Variants in DNM1L observed in about 807,000 individuals in gnomAD.
The protein encoded by DNM1L is dynamin 1L.
A neutral mutation model predicts 92.8 loss-of-function variants in DNM1L; 33 were observed. The observed-to-expected ratio is 0.36, with a 90% CI of 0.27 to 0.48. The LOEUF (loss-of-function observed/expected upper bound fraction) is 0.48, where lower values mean the gene tolerates loss of function less well. Among genes scored for constraint, DNM1L ranks in the 20% least tolerant of loss-of-function variants. The pLI, the probability that DNM1L is intolerant of heterozygous loss-of-function variation, is 0.99. For synonymous variants in DNM1L, 284 were observed against 305.0 expected (o/e 0.93, Z 0.72); for missense variants, 485 against 888.8 (o/e 0.55, Z 5.78).
At chr12:32,688,371 C>T (rs578171297) in intron 1 of DNM1L, among the ~76,000 whole-genome samples, 1 of 152,228 alleles carries the variant, frequency 6.6e-6, no homozygotes, top group Admixed American at 6.5e-5. Context: ...GAGGTTTTTT[C>T]TTTTAGCACT....
chr12:32,724,594 ATATATATAT>A (rs1169616214), intron 9 of DNM1L, among the ~76,000 whole-genome samples: 6 of 44,348 alleles, frequency 1.4e-4, no homozygotes, highest in East Asian at 4.3e-4. Context: ...AAAAAAAAAA[ATATATATAT>A]ATATATATAT....
intron 12 of DNM1L, chr12:32,733,484 T>C (rs1433844050): frequency 2.0e-6 from 1 of 497,242 alleles, no homozygotes; most frequent in East Asian, 3.5e-5. Context: ...ATGTTATTTT[T>C]CCCTCTTAGA....
chr12:32,737,622 A>G (rs1954984041), intron 14 of DNM1L: 1 of 489,542 alleles, frequency 2.0e-6, no homozygotes. Flanking sequence ...CTTATTAAAT[A>G]CCAAAAATAA....
chr12:32,737,643 T>G, intron 14 of DNM1L: 1 of 514,616 alleles, frequency 1.9e-6, no homozygotes, highest in Non-Finnish European at 3.5e-6. Flanking sequence ...AAATGAAGCT[T>G]TTGGATTTGG....
At chr12:32,724,400 A>G (rs1425267184) in intron 9 of DNM1L, among the ~76,000 whole-genome samples, 1 of 151,188 alleles carries the variant, frequency 6.6e-6, no homozygotes, top group Non-Finnish European at 1.5e-5. Flanking sequence ...ATATGGTGAA[A>G]CCCCATCTCT....
intron 1 of DNM1L, among the ~76,000 whole-genome samples, chr12:32,691,747 C>T (rs1952243224): frequency 6.8e-6 from 1 of 147,110 alleles, no homozygotes; most frequent in Non-Finnish European, 1.5e-5. Flanking sequence ...GCTAAGAGAG[C>T]CAAAAGCCTG....
intron 18 of DNM1L, 125 bp downstream of exon 18, chr12:32,740,643 G>A: frequency 1.2e-6 from 1 of 865,502 alleles, no homozygotes; most frequent in Non-Finnish European, 1.8e-6. Context: ...TGGATTTTCT[G>A]ATAGTCCTTG....
At chr12:32,732,434 T>G (rs1954613912) in intron 12 of DNM1L, 1 of 446,096 alleles carries the variant, frequency 2.2e-6, no homozygotes, top group South Asian at 1.6e-5. Flanking sequence ...CAAATAAAAA[T>G]GCTGAAATTG....
At chr12:32,704,560 A>G (rs557667139) in intron 2 of DNM1L, among the ~76,000 whole-genome samples, 173 of 152,276 alleles carry the variant, frequency 1.1e-3, no homozygotes, top group African/African-American at 4.0e-3. Context: ...AAAAAAAAAA[A>G]AAAAATGCAA....
chr12:32,744,594 T>C lies in DNM1L; in HGVS notation c.*1184T>C, dbSNP rs567054987. 1 of 240,060 alleles carries C rather than the reference T, an allele frequency of 4.2e-6. No homozygotes were observed. Among genetic ancestry groups the C allele is most frequent in the Non-Finnish European group, 8.1e-6 (1 of 123,170 alleles). 14.9% of individuals were successfully genotyped at this position (240,060 alleles called of 1,614,324 possible). A position where few individuals can be genotyped will look rare whatever the true frequency, so the allele number is the denominator to read the frequency against. On this transcript the variant is annotated 3_prime_UTR_variant, in exon 20 of 20. Coordinates refer to ENST00000549701, the MANE Select transcript of DNM1L (RefSeq NM_012062.5). ...CGGGCGTGGTGGCGCATGCCTGTAA[T>C]CCCAGCTACTCGGGAGGGTGAGGCA...
chr12:32,684,737 G>C (rs1307049904), intron 1 of DNM1L, among the ~76,000 whole-genome samples: 1 of 152,144 alleles, frequency 6.6e-6, no homozygotes, highest in South Asian at 2.1e-4. Flanking sequence ...CCAAAGTGCT[G>C]GGATTATAGG....
intron 16 of DNM1L, chr12:32,739,841 T>C: frequency 1.8e-6 from 1 of 560,376 alleles, no homozygotes; most frequent in Non-Finnish European, 3.1e-6. Flanking sequence ...ATAAGTTGGT[T>C]GATGCCTTGC....
At chr12:32,691,697 T>C (rs897208104) in intron 1 of DNM1L, among the ~76,000 whole-genome samples, 1 of 152,146 alleles carries the variant, frequency 6.6e-6, no homozygotes, top group Non-Finnish European at 1.5e-5. Context: ...CAAAAACATA[T>C]GTTACGGAAT....
At chr12:32,682,707 T>C (rs1951857072) in intron 1 of DNM1L, among the ~76,000 whole-genome samples, 2 of 152,156 alleles carry the variant, frequency 1.3e-5, no homozygotes, top group African/African-American at 4.8e-5. Flanking sequence ...CAGGCAACCA[T>C]TGCTGACCCC....
At chr12:32,707,012 C>A in intron 2 of DNM1L, 1 of 224,000 alleles carries the variant, frequency 4.5e-6, no homozygotes, top group Non-Finnish European at 8.8e-6. Context: ...GTAAGATTTT[C>A]AAAACTAAAG....
At chr12:32,724,594 ATATATATATAT>A (rs1426730303) in intron 9 of DNM1L, among the ~76,000 whole-genome samples, 6 of 44,348 alleles carry the variant, frequency 1.4e-4, no homozygotes, top group Admixed American at 2.5e-4. Flanking sequence ...AAAAAAAAAA[ATATATATATAT>A]ATATATATAT....
At chr12:32,714,318 G>A (rs1445069294) in intron 6 of DNM1L, among the ~76,000 whole-genome samples, 1 of 147,286 alleles carries the variant, frequency 6.8e-6, no homozygotes, top group Non-Finnish European at 1.5e-5. Flanking sequence ...TATCTCCCAG[G>A]CTGGAGTGCA....
chr12:32,723,997 A>C (rs1225371940), intron 9 of DNM1L, among the ~76,000 whole-genome samples: 2 of 152,232 alleles, frequency 1.3e-5, no homozygotes, highest in African/African-American at 4.8e-5. Context: ...AATTTTGTTA[A>C]GAGCAGGAAA....
intron 1 of DNM1L, among the ~76,000 whole-genome samples, chr12:32,682,383 C>T (rs181198350): frequency 2.6e-5 from 4 of 152,234 alleles, no homozygotes; most frequent in East Asian, 1.9e-4. Context: ...CCACCCGTCT[C>T]GGCCTCCCAA....
Sources: gnomAD v4.1 joint callset for allele counts (sites outside exome capture counted in the v4.1 genomes callset) on GRCh38, gnomAD v4.1.1 for gene constraint, MANE v1.5 for transcripts, NCBI Gene and HGNC (gene_info 2026-07-23, HGNC 2026-07-21) for gene names.